PARP12: variants seen among roughly 807,000 people sequenced by gnomAD.
The protein encoded by PARP12 is protein mono-ADP-ribosyltransferase PARP12.
In PARP12, 59 loss-of-function variants were observed where a neutral mutation model predicts 72.4. The ratio of observed to expected loss-of-function variants is 0.81; its 90% CI spans 0.66 to 1.01. PARP12 has a LOEUF of 1.01. PARP12 is among the 50% of genes least tolerant of loss of function. The pLI, the probability that PARP12 is intolerant of heterozygous loss-of-function variation, is 0.00. For synonymous variants in PARP12, 403 were observed against 371.4 expected (o/e 1.09, Z -0.98); for missense variants, 851 against 914.0 (o/e 0.93, Z 0.89).
chr7:140,027,598 G>A (rs1815785505), intron 9 of PARP12, 192 bp from the exon 10 acceptor site: 1 of 513,066 alleles, frequency 1.9e-6, no homozygotes, highest in Non-Finnish European at 3.3e-6. Context: ...ATAGGTTCTT[G>A]GAAACTGCAA....
intron 4 of PARP12, among the ~76,000 whole-genome samples, chr7:140,048,619 C>G (rs1432842267): frequency 6.6e-6 from 1 of 152,178 alleles, no homozygotes; most frequent in East Asian, 1.9e-4. Context: ...TAGACATATT[C>G]TAACTAAACA....
At chr7:140,043,925 T>G (rs945549436) in intron 5 of PARP12, among the ~76,000 whole-genome samples, 19 of 152,248 alleles carry the variant, frequency 1.2e-4, no homozygotes, top group African/African-American at 4.6e-4. Flanking sequence ...ACTAATGAAC[T>G]GAGAGCCTGA....
chr7:140,061,345 G>A (rs924498965), intron 1 of PARP12, among the ~76,000 whole-genome samples: 1 of 152,188 alleles, frequency 6.6e-6, no homozygotes, highest in Non-Finnish European at 1.5e-5. Context: ...CAGAGCGGAG[G>A]TCAGTCAGCC....
chr7:140,050,480 C>T (rs1241845546), intron 4 of PARP12, among the ~76,000 whole-genome samples: 1 of 152,196 alleles, frequency 6.6e-6, no homozygotes, highest in African/African-American at 2.4e-5. Context: ...TCTGCCTCTT[C>T]CCCACCATCA....
intron 5 of PARP12, among the ~76,000 whole-genome samples, chr7:140,042,834 G>C (rs1035052109): frequency 1.3e-5 from 2 of 152,186 alleles, no homozygotes; most frequent in African/African-American, 4.8e-5. Context: ...AGACCACCCA[G>C]GGTAGCAGTT....
At chr7:140,043,306 G>GACC (rs1366486066) in intron 5 of PARP12, among the ~76,000 whole-genome samples, 1 of 152,006 alleles carries the variant, frequency 6.6e-6, no homozygotes, top group East Asian at 1.9e-4. Context: ...AACAAAATCA[G>GACC]ACCACCCTGA....
chr7:140,057,731 GC>G (rs1266888921), intron 2 of PARP12, 167 bp downstream of exon 2: 2 of 911,180 alleles, frequency 2.2e-6, no homozygotes, highest in Non-Finnish European at 3.2e-6. Context: ...GGCAAAGCTG[GC>G]CCTTGAACTT....
intron 9 of PARP12, chr7:140,027,618 A>G (rs1815785975): frequency 2.3e-6 from 1 of 428,472 alleles, no homozygotes; most frequent in East Asian, 4.3e-5. Flanking sequence ...ATTTTAAGTA[A>G]AACAACAAAC....
At chr7:140,040,441 C>CA (rs1816414912) in intron 6 of PARP12, among the ~76,000 whole-genome samples, 1 of 152,166 alleles carries the variant, frequency 6.6e-6, no homozygotes. Flanking sequence ...TAGTGCAAGG[C>CA]AGCAAGGCCA....
chr7:140,042,259 T>A (rs1191413939), intron 5 of PARP12, among the ~76,000 whole-genome samples: 1 of 152,232 alleles, frequency 6.6e-6, no homozygotes, highest in Non-Finnish European at 1.5e-5. Context: ...CCTATGAGGT[T>A]GAGACTATTA....
At chr7:140,038,704 A>G (rs531687724) in intron 6 of PARP12, among the ~76,000 whole-genome samples, 7 of 152,164 alleles carry the variant, frequency 4.6e-5, no homozygotes, top group Admixed American at 2.0e-4. Flanking sequence ...TATTCAACCT[A>G]TAACCAACTA....
intron 11 of PARP12, chr7:140,025,482 G>A: frequency 2.4e-6 from 1 of 422,668 alleles, no homozygotes; most frequent in South Asian, 1.7e-5. Flanking sequence ...CTGCTGGGCA[G>A]AAAATGTTCT....
At chr7:140,046,830 G>GTC in intron 5 of PARP12, 54 bp downstream of exon 5, 1 of 1,551,432 alleles carries the variant, frequency 6.4e-7, no homozygotes, top group Non-Finnish European at 8.8e-7. Flanking sequence ...GTGTGTGTGT[G>GTC]TGTCACACAC....
At chr7:140,038,350 A>G (rs1816308203) in intron 6 of PARP12, 1 of 953,204 alleles carries the variant, frequency 1.0e-6, no homozygotes, top group Admixed American at 6.2e-5. Flanking sequence ...ATCCATTTCA[A>G]TCCCTATCCT....
intron 1 of PARP12, 105 bp from the exon 2 acceptor site, chr7:140,058,139 A>G (rs1438408439): frequency 7.6e-7 from 1 of 1,314,642 alleles, no homozygotes; most frequent in African/African-American, 1.5e-5. Context: ...CTATTTGGAA[A>G]GAAGGTCTCT....
At chr7:140,053,804 C>A (rs1400074978) in intron 4 of PARP12, among the ~76,000 whole-genome samples, 1 of 152,150 alleles carries the variant, frequency 6.6e-6, no homozygotes, top group Non-Finnish European at 1.5e-5. Flanking sequence ...GAAAAAAAAT[C>A]TCCAAGATAC....
At chr7:140,042,780 CA>C (rs1367339544) in intron 5 of PARP12, among the ~76,000 whole-genome samples, 1 of 152,222 alleles carries the variant, frequency 6.6e-6, no homozygotes, top group Non-Finnish European at 1.5e-5. Flanking sequence ...TCAAGCCTCA[CA>C]GAAGTTTTAG....
intron 8 of PARP12, among the ~76,000 whole-genome samples, chr7:140,033,014 T>C (rs1408381172): frequency 6.6e-6 from 1 of 152,072 alleles, no homozygotes; most frequent in Non-Finnish European, 1.5e-5. Context: ...TGCAGTGGTG[T>C]GATCTTGGCT....
intron 5 of PARP12, among the ~76,000 whole-genome samples, chr7:140,044,928 T>C (rs896280803): frequency 2.0e-5 from 3 of 152,174 alleles, no homozygotes; most frequent in African/African-American, 4.8e-5. Context: ...AAAATGGTAA[T>C]TGTGTAAGCT....
Sources: allele counts gnomAD v4.1 joint callset (sites outside exome capture counted in the v4.1 genomes callset), GRCh38; gene constraint gnomAD v4.1.1; transcripts MANE v1.5; gene names NCBI Gene and HGNC (gene_info 2026-07-23, HGNC 2026-07-21).